Variants in KCND2 observed in about 807,000 individuals in gnomAD.
KCND2 encodes A-type voltage-gated potassium channel KCND2.
Under a neutral mutation model 54.4 loss-of-function variants are expected in KCND2, and 16 were observed. The observed-to-expected ratio is 0.29, with a 90% CI of 0.20 to 0.45. The LOEUF (loss-of-function observed/expected upper bound fraction) is 0.45. KCND2 is among the 20% of genes least tolerant of loss of function. The pLI is 1.00. For missense variants in KCND2, 486 were observed against 824.2 expected (o/e 0.59, Z 5.02); for synonymous variants, 317 against 310.7 (o/e 1.02, Z -0.21).
intron 1 of KCND2, among the ~76,000 whole-genome samples, chr7:120,349,351 G>C (rs201468537): frequency 8.2e-5 from 9 of 109,376 alleles, no homozygotes; most frequent in African/African-American, 1.5e-4. Context: ...CACACACACA[G>C]ACACACGAGG....
chr7:120,343,362 G>A (rs914948239), intron 1 of KCND2, among the ~76,000 whole-genome samples: 3 of 152,006 alleles, frequency 2.0e-5, no homozygotes, highest in Non-Finnish European at 4.4e-5. Context: ...TAGAAAATGG[G>A]TAGAACATTT....
chr7:120,384,998 CTTTTTTTTTT>C (rs372225817), intron 1 of KCND2, among the ~76,000 whole-genome samples: 2 of 82,512 alleles, frequency 2.4e-5, no homozygotes, highest in African/African-American at 9.7e-5. Flanking sequence ...TTGTATATAA[CTTTTTTTTTT>C]TTTTTTTTTT....
chr7:120,590,926 A>T (rs1792663473), intron 1 of KCND2, among the ~76,000 whole-genome samples: 1 of 151,882 alleles, frequency 6.6e-6, no homozygotes, highest in Non-Finnish European at 1.5e-5. Flanking sequence ...GTTATGAAAA[A>T]CTGTCTTGTG....
At chr7:120,351,786 C>A (rs150346080) in intron 1 of KCND2, among the ~76,000 whole-genome samples, 91 of 151,722 alleles carry the variant, frequency 6.0e-4, no homozygotes, top group African/African-American at 2.1e-3. Context: ...CTTTTCTTTT[C>A]TTTTTCTTTT....
At chr7:120,479,765 A>AAT (rs553400325) in intron 1 of KCND2, among the ~76,000 whole-genome samples, 3,810 of 140,396 alleles carry the variant, frequency 0.027, 77 homozygotes, top group South Asian at 0.043. Context: ...CCCATCTCTA[A>AAT]ATATATATAT....
rs1452883898 is a variant in KCND2 at position 120,468,553 on chromosome 7, A to G, written c.1115+192806A>G. On this transcript the variant is annotated intron_variant, in intron 1 of 5. Coordinates refer to ENST00000331113, the MANE Select transcript of KCND2 (RefSeq NM_012281.3). ...TTTATACTTGTGATATTCCTTTTGGAAACAATACAAGTGACATCAATTTAG... is the reference window on the plus strand; with the variant it reads ...TTTATACTTGTGATATTCCTTTTGGGAACAATACAAGTGACATCAATTTAG... Among the ~76,000 whole-genome samples, 4 of 152,148 alleles carry G rather than the reference A, an allele frequency of 2.6e-5. 1 individual carries two copies. The highest frequency in any genetic ancestry group is 5.9e-5 in the Non-Finnish European group (4 of 68,002).
chr7:120,661,667 A>G (rs1358229367), intron 1 of KCND2, among the ~76,000 whole-genome samples: 1 of 151,918 alleles, frequency 6.6e-6, no homozygotes, highest in African/African-American at 2.4e-5. Flanking sequence ...AAAAAGAAAG[A>G]AAGGAGAGCA....
chr7:120,707,322 G>A (rs939272018), intron 1 of KCND2, among the ~76,000 whole-genome samples: 1 of 152,066 alleles, frequency 6.6e-6, no homozygotes, highest in African/African-American at 2.4e-5. Flanking sequence ...GGTGCAGGGA[G>A]GGTGGTAAGT....
At chr7:120,504,211 T>C (rs1802980969) in intron 1 of KCND2, among the ~76,000 whole-genome samples, 1 of 151,970 alleles carries the variant, frequency 6.6e-6, no homozygotes, top group Admixed American at 6.6e-5. Context: ...TAACTAATAA[T>C]GGTGCCAAAG....
At chr7:120,422,331 A>G (rs1801637559) in intron 1 of KCND2, among the ~76,000 whole-genome samples, 1 of 152,136 alleles carries the variant, frequency 6.6e-6, no homozygotes, top group South Asian at 2.1e-4. Context: ...TAAAATTCCA[A>G]ATCCAACTTT....
chr7:120,440,001 T>G (rs946429057), intron 1 of KCND2, among the ~76,000 whole-genome samples: 6 of 152,106 alleles, frequency 3.9e-5, no homozygotes, highest in Non-Finnish European at 7.4e-5. Context: ...TCATTTCCTT[T>G]GGATAAATAT....
chr7:120,588,443 T>TGTGTGTG (rs1792628532), intron 1 of KCND2, among the ~76,000 whole-genome samples: 2 of 54,236 alleles, frequency 3.7e-5, no homozygotes, highest in African/African-American at 1.1e-4. Context: ...GTGTGTGTGT[T>TGTGTGTG]TCCTTGAGTG....
intron 1 of KCND2, among the ~76,000 whole-genome samples, chr7:120,501,538 T>C (rs1348297582): frequency 6.6e-6 from 1 of 152,160 alleles, no homozygotes; most frequent in Non-Finnish European, 1.5e-5. Flanking sequence ...GAGCATCACC[T>C]TCACAAGAAA....
At chr7:120,572,189 T>A (rs1482287825) in intron 1 of KCND2, among the ~76,000 whole-genome samples, 1 of 152,158 alleles carries the variant, frequency 6.6e-6, no homozygotes, top group East Asian at 1.9e-4. Context: ...TTTTTTTTTT[T>A]TCAAGTAAAT....
intron 1 of KCND2, among the ~76,000 whole-genome samples, chr7:120,620,238 T>G (rs1253172911): frequency 6.7e-6 from 1 of 150,360 alleles, no homozygotes; most frequent in Admixed American, 6.6e-5. Flanking sequence ...GAATTCCAAC[T>G]GCAAAAAAAA....
At chr7:120,590,715 C>T (rs1387158248) in intron 1 of KCND2, among the ~76,000 whole-genome samples, 1 of 152,270 alleles carries the variant, frequency 6.6e-6, no homozygotes, top group African/African-American at 2.4e-5. Flanking sequence ...TTTATCCTAG[C>T]ATCAATTCAG....
intron 1 of KCND2, among the ~76,000 whole-genome samples, chr7:120,690,985 CAAG>C (rs1366180929): frequency 2.6e-5 from 4 of 152,042 alleles, no homozygotes; most frequent in Non-Finnish European, 4.4e-5. Flanking sequence ...AAGTCTACAC[CAAG>C]AAGATGACAT....
intron 1 of KCND2, among the ~76,000 whole-genome samples, chr7:120,379,181 T>A (rs1475827385): frequency 1.3e-5 from 2 of 152,058 alleles, no homozygotes; most frequent in African/African-American, 4.8e-5. Context: ...CCATGGAATT[T>A]CCAAACTTGA....
intron 1 of KCND2, among the ~76,000 whole-genome samples, chr7:120,321,127 T>A (rs1405721320): frequency 6.6e-6 from 1 of 152,168 alleles, no homozygotes; most frequent in Non-Finnish European, 1.5e-5. Context: ...TTTTGCTATG[T>A]AGGCATTGTA....
Sources: gnomAD v4.1 joint callset for allele counts (sites outside exome capture counted in the v4.1 genomes callset) on GRCh38, gnomAD v4.1.1 for gene constraint, MANE v1.5 for transcripts, NCBI Gene and HGNC (gene_info 2026-07-23, HGNC 2026-07-21) for gene names.